The following ST3GAL3 variants were observed in gnomAD, a reference collection of about 807,000 sequenced individuals.
ST3GAL3 encodes the protein ST3 beta-galactoside alpha-2,3-sialyltransferase 3.
A neutral mutation model predicts 50.1 loss-of-function variants in ST3GAL3; 21 were observed. That is an observed-to-expected ratio of 0.42 (90% CI 0.30 to 0.60). The LOEUF is 0.60. ST3GAL3 is among the 20% of genes least tolerant of loss of function. ST3GAL3 has a pLI of 0.19. For missense variants in ST3GAL3, 353 were observed against 489.4 expected, an observed-to-expected ratio of 0.72 and a Z score of 2.63; for synonymous variants, 183 against 190.0, an observed-to-expected ratio of 0.96 and a Z score of 0.30.
intron 5 of ST3GAL3, chr1:43,858,157 A>G (rs1558609548): frequency 1.6e-6 from 2 of 1,289,338 alleles, no homozygotes. Context: ...TGGTGCATGG[A>G]GACAAAAACA....
At chr1:43,777,121 T>C (rs1697563216) in intron 2 of ST3GAL3, among the ~76,000 whole-genome samples, 1 of 152,146 alleles carries the variant, frequency 6.6e-6, no homozygotes, top group Admixed American at 6.5e-5. Flanking sequence ...TTATTTGGGT[T>C]TTTAAAGCAA....
At chr1:43,801,521 CT>C (rs2059315093) in intron 3 of ST3GAL3, 2 of 370,784 alleles carry the variant, frequency 5.4e-6, no homozygotes, top group Non-Finnish European at 1.1e-5. Flanking sequence ...CAGCCTGGTG[CT>C]CCCAACTGCA....
At chr1:43,882,258 G>A (rs1388829542) in intron 5 of ST3GAL3, among the ~76,000 whole-genome samples, 2 of 152,130 alleles carry the variant, frequency 1.3e-5, no homozygotes, top group East Asian at 3.9e-4. Context: ...AGGGAACAGT[G>A]GTATAGAGGC....
intron 3 of ST3GAL3, chr1:43,801,313 G>T: frequency 2.2e-6 from 1 of 456,280 alleles, no homozygotes. Context: ...ATTTGTGGTG[G>T]TTCATTACAA....
At chr1:43,905,416 G>A (rs1428511219) in intron 9 of ST3GAL3, among the ~76,000 whole-genome samples, 7 of 64,428 alleles carry the variant, frequency 1.1e-4, no homozygotes, top group Admixed American at 9.6e-4. Flanking sequence ...TCCTCTTCCT[G>A]CCACTTTTCC....
At chr1:43,724,594 C>T (rs1440592261) in intron 1 of ST3GAL3, among the ~76,000 whole-genome samples, 2 of 152,028 alleles carry the variant, frequency 1.3e-5, no homozygotes, top group African/African-American at 4.8e-5. Context: ...GTTATAGGTT[C>T]TTTTTTCAAA....
At chr1:43,835,293 G>A (rs1356825398) in intron 4 of ST3GAL3, among the ~76,000 whole-genome samples, 4 of 152,066 alleles carry the variant, frequency 2.6e-5, no homozygotes, top group South Asian at 2.1e-4. Context: ...GGTTTTGACC[G>A]CTAACTGCCC....
chr1:43,879,407 A>G (rs2074708825), intron 5 of ST3GAL3: 2 of 456,118 alleles, frequency 4.4e-6, no homozygotes, highest in Non-Finnish European at 4.4e-6. Context: ...CCTCCTCGAG[A>G]GAATGGACTC....
chr1:43,827,044 C>A (rs1248449390), intron 4 of ST3GAL3, among the ~76,000 whole-genome samples: 2 of 152,170 alleles, frequency 1.3e-5, no homozygotes, highest in Admixed American at 6.5e-5. Flanking sequence ...GATGTCCCCC[C>A]TCTCACCACT....
chr1:43,742,788 T>C (rs1681552387), intron 2 of ST3GAL3, among the ~76,000 whole-genome samples: 1 of 152,162 alleles, frequency 6.6e-6, no homozygotes, highest in Admixed American at 6.5e-5. Context: ...GTGTAGTAAC[T>C]GAAATGGAAG....
intron 9 of ST3GAL3, chr1:43,913,014 C>G (rs2081193736): frequency 6.6e-6 from 1 of 152,308 alleles, no homozygotes. Context: ...AGCCTTGGGC[C>G]AGATGTGGAC....
chr1:43,760,724 C>G (rs559707476), intron 2 of ST3GAL3, among the ~76,000 whole-genome samples: 59 of 152,128 alleles, frequency 3.9e-4, no homozygotes, highest in African/African-American at 1.4e-3. Context: ...CCACTGCATT[C>G]CAGCTTGGGT....
intron 5 of ST3GAL3, among the ~76,000 whole-genome samples, chr1:43,857,515 CTT>C (rs1182193235): frequency 1.9e-4 from 28 of 144,476 alleles, no homozygotes; most frequent in Non-Finnish European, 3.5e-4. Flanking sequence ...TCCTTCCTTC[CTT>C]CCTTCCCTCC....
chr1:43,930,227 C>A lies in ST3GAL3; in HGVS notation c.*6C>A. The A allele has an allele frequency of 6.2e-7, 1 of 1,612,754 alleles. No individual in the cohort carries two copies. The highest frequency in any genetic ancestry group is 1.1e-5 in the South Asian group (1 of 91,028). On this transcript the variant is annotated 3_prime_UTR_variant, in exon 12 of 12. Transcript: ENST00000347631. ...ATCTAAGCAGTGGCATCTGAGTGGGCCCAGCACATGGCCATAGAGGCCCAG... is the reference window on the plus strand; with the variant it reads ...ATCTAAGCAGTGGCATCTGAGTGGGACCAGCACATGGCCATAGAGGCCCAG...
At chr1:43,903,313 A>G (rs1486314471) in intron 9 of ST3GAL3, among the ~76,000 whole-genome samples, 2 of 152,150 alleles carry the variant, frequency 1.3e-5, no homozygotes, top group East Asian at 3.8e-4. Context: ...AGGACAGGAC[A>G]TGTGAGAGGC....
intron 3 of ST3GAL3, among the ~76,000 whole-genome samples, chr1:43,809,522 C>T (rs1428298849): frequency 6.6e-6 from 1 of 151,564 alleles, no homozygotes; most frequent in East Asian, 1.9e-4. Flanking sequence ...ATAGTGAGAC[C>T]CCTGTCTCTA....
intron 5 of ST3GAL3, among the ~76,000 whole-genome samples, chr1:43,853,830 C>A (rs1194074909): frequency 6.6e-6 from 1 of 152,162 alleles, no homozygotes; most frequent in Admixed American, 6.5e-5. Flanking sequence ...TTGCAGAGCT[C>A]TCTGAGGCAG....
intron 1 of ST3GAL3, among the ~76,000 whole-genome samples, chr1:43,724,716 T>C (rs889376766): frequency 2.0e-5 from 3 of 152,124 alleles, no homozygotes; most frequent in Non-Finnish European, 4.4e-5. Context: ...AGGGCTGTGA[T>C]TAAGGAAAGC....
chr1:43,753,322 A>G (rs1019645211), intron 2 of ST3GAL3, among the ~76,000 whole-genome samples: 25 of 152,176 alleles, frequency 1.6e-4, no homozygotes, highest in African/African-American at 5.8e-4. Context: ...GTAAAGTGCT[A>G]TTTTTGGTTT....
Sources: allele counts gnomAD v4.1 joint callset (sites outside exome capture counted in the v4.1 genomes callset), GRCh38; gene constraint gnomAD v4.1.1; transcripts MANE v1.5; gene names NCBI Gene and HGNC (gene_info 2026-07-23, HGNC 2026-07-21).